The following SLC12A6 variants were observed in gnomAD, a reference collection of about 807,000 sequenced individuals.
The protein encoded by SLC12A6 is K-Cl cotransporter 3.
A neutral mutation model predicts 135.3 loss-of-function variants in SLC12A6; 66 were observed. The ratio of observed to expected loss-of-function variants is 0.49; its 90% confidence interval spans 0.40 to 0.60. The LOEUF (loss-of-function observed/expected upper bound fraction) is 0.60, where lower values mean the gene tolerates loss of function less well. Ranked by LOEUF, SLC12A6 falls within the 20% of genes least tolerant of loss-of-function variation. The probability of loss-of-function intolerance (pLI) is 0.00; values close to 1 mark genes in which losing one functional copy is unlikely to be tolerated. For missense variants in SLC12A6, 1,058 were observed against 1,452.3 expected, an observed-to-expected ratio of 0.73 and a Z score of 4.41; for synonymous variants, 513 against 508.8, an observed-to-expected ratio of 1.01 and a Z score of -0.11.
Position 34,255,295 on chromosome 15 carries a change from G to A in SLC12A6, c.843C>T (p.Ala281=), listed in dbSNP as rs1228079784. 1.2e-6 allele frequency: 2 copies of A among 1,610,150 alleles called. No individual in the cohort carries two copies. Among genetic ancestry groups the A allele is most frequent in the African/African-American group, 2.7e-5 (2 of 74,842 alleles). The change falls in exon 8 of 26, where the codon GCC becomes GCT. Residue 281 remains alanine (A), a synonymous_variant. Transcript: ENST00000354181. The part of the protein sequence containing the change: ...CFYLGTTFAA[A]MYILGAIEIF... Reference sequence around the variant, plus strand: ...TTTCAATGGCACCAAGGATGTACATGGCTGCTGCAAATGTGGTACCAAGAT... The same window carrying A: ...TTTCAATGGCACCAAGGATGTACATAGCTGCTGCAAATGTGGTACCAAGAT...
intron 2 of SLC12A6, among the ~76,000 whole-genome samples, chr15:34,315,995 G>C (rs1397018651): frequency 6.6e-6 from 1 of 151,994 alleles, no homozygotes; most frequent in Non-Finnish European, 1.5e-5. Context: ...TTATTGCAGT[G>C]GTCTGGAACT....
Position 34,337,402 on chromosome 15 carries a change from G to A in SLC12A6, c.-143C>T, listed in dbSNP as rs1342213725. ...GATTCCTGTCTCCGAGAGGTCGGTG[G>A]GGGTGGCGCGCCCGCTCTTCTCCTA... On this transcript the variant is annotated 5_prime_UTR_variant, in exon 1 of 26. Transcript: ENST00000354181. 6.5e-6 allele frequency: 1 copy of A among 153,772 alleles called. No individual in the cohort carries two copies. Among genetic ancestry groups the A allele is most frequent in the Non-Finnish European group, 1.4e-5 (1 of 69,116 alleles). 9.5% of individuals were successfully genotyped at this position (153,772 alleles called of 1,614,324 possible). A position where few individuals can be genotyped will look rare whatever the true frequency, so the allele number is the denominator to read the frequency against.
chr15:34,285,701 TGTGTGTGTGTGTTTG>T (rs1207606795), intron 2 of SLC12A6, among the ~76,000 whole-genome samples: 21 of 782 alleles, frequency 0.027, 1 homozygote, highest in Non-Finnish European at 0.037. Flanking sequence ...TATGTGTGTG[TGTGTGTGTGTGTTTG>T]TCATACATAA....
chr15:34,229,873 TAAAC>T lies in SLC12A6; in HGVS notation c.*4004_*4007del, dbSNP rs771095239. ...GCCCAGTGGCTCCTCAGCATACTCTTAAACTAATCACTTATGTTAAAAAGAACCA... is the reference window on the plus strand; with the variant it reads ...GCCCAGTGGCTCCTCAGCATACTCTTTAATCACTTATGTTAAAAAGAACCA... On this transcript the variant is annotated 3_prime_UTR_variant, in exon 26 of 26. Transcript: ENST00000354181. 1 of 1,242,056 alleles carries T rather than the reference TAAAC, an allele frequency of 8.1e-7. No individual in the cohort carries two copies. The allele number at this position is 1,242,056 out of a possible 1,614,324, so 76.9% of individuals were successfully genotyped here. A position where few individuals can be genotyped will look rare whatever the true frequency, so the allele number is the denominator to read the frequency against.
At position 34,299,160 on chromosome 15, in the gene SLC12A6, GGGGGATGATGGT is replaced by G. The variant is rs373031606; in HGVS notation, c.272-23783_272-23772del. On this transcript the variant is annotated intron_variant, in intron 2 of 25. Coordinates refer to ENST00000354181, the MANE Select transcript of SLC12A6 (RefSeq NM_001365088.1). ...TGTTCCTACTTTGAAATCTCAGGCT[GGGGGATGATGGT>G]GGGGATGATGGTGGTAGCGGAGGCT... is the stretch of plus-strand genomic sequence containing the variant. Among the ~76,000 whole-genome samples the G allele has an allele frequency of 5.9e-3, 900 of 152,256 alleles. 14 individuals are homozygous for G. The highest frequency in any genetic ancestry group is 0.02 in the African/African-American group (847 of 41,522).
intron 2 of SLC12A6, among the ~76,000 whole-genome samples, chr15:34,318,007 C>T (rs1359056284): frequency 6.6e-6 from 1 of 152,110 alleles, no homozygotes; most frequent in East Asian, 1.9e-4. Context: ...ATCTCTTGTA[C>T]TTTTGTTCTG....
rs1269733604 is a variant in SLC12A6, at chr15:34,240,815, A to G, written c.2282T>C (p.Val761Ala). The part of the protein sequence containing the change: ...HTKNWRPQLL[V>A]LLKLDEDLHV... Reference sequence around the variant, plus strand: ...TAAGTCTTCATCTAGTTTCAGTAATACAAGCAACTGAGGCCTGTGAAGAGG... The same window carrying G: ...TAAGTCTTCATCTAGTTTCAGTAATGCAAGCAACTGAGGCCTGTGAAGAGG... The change falls in exon 19 of 26, where the codon GTA becomes GCA. Residue 761 changes from valine to alanine, a missense_variant. This residue lies in a region of SLC12A6 where 170 missense variants were observed against 297.6 expected (regional missense o/e 0.57). Transcript: ENST00000354181. 2 of 1,613,358 alleles carry G rather than the reference A, an allele frequency of 1.2e-6. No homozygotes were observed. The highest frequency in any genetic ancestry group is 1.3e-5 in the African/African-American group (1 of 74,920).
Position 34,238,214 on chromosome 15 carries a change from A to T in SLC12A6, c.2802+18T>A. On this transcript the variant is annotated intron_variant, in intron 21 of 25. Coordinates refer to ENST00000354181, the MANE Select transcript of SLC12A6 (RefSeq NM_001365088.1). ...GAAGGGAGAAAGACTTTTGTAAAAA[A>T]AAAGTTGTATAAAATACCTTGTGCT... 1 of 1,595,424 alleles carries T rather than the reference A, an allele frequency of 6.3e-7. No homozygotes were observed. Among genetic ancestry groups the T allele is most frequent in the Non-Finnish European group, 8.6e-7 (1 of 1,162,854 alleles).
chr15:34,304,905 T>C (rs1896497588), intron 2 of SLC12A6, among the ~76,000 whole-genome samples: 1 of 152,342 alleles, frequency 6.6e-6, no homozygotes, highest in African/African-American at 2.4e-5. Flanking sequence ...TCACTTGTTA[T>C]TTGGCTAAAA....
chr15:34,313,005 C>A (rs147782411), intron 2 of SLC12A6, among the ~76,000 whole-genome samples: 114 of 152,320 alleles, frequency 7.5e-4, no homozygotes, highest in Non-Finnish European at 1.2e-3. Flanking sequence ...CAGCTGCTTC[C>A]TTTTCCCTCT....
intron 3 of SLC12A6, among the ~76,000 whole-genome samples, chr15:34,268,719 C>G (rs1893691325): frequency 6.6e-6 from 1 of 152,056 alleles, no homozygotes; most frequent in South Asian, 2.1e-4. Context: ...AACTAAGAAC[C>G]AAATCCATAT....
At position 34,243,529 on chromosome 15, in the gene SLC12A6, C is replaced by T. The variant is rs776336570; in HGVS notation, c.2042+445G>A. On this transcript the variant is annotated intron_variant, in intron 16 of 25. Transcript: ENST00000354181. ...GAGCTTTACTATGTATCAGGCACTA[C>T]GATAAGCACTTTAGATTTATTAGTC... Among the ~76,000 whole-genome samples, 16 of 152,186 alleles carry T rather than the reference C, an allele frequency of 1.1e-4. No homozygotes were observed. In the South Asian group the frequency reaches 2.9e-3, roughly 28 times the overall value.
intron 2 of SLC12A6, among the ~76,000 whole-genome samples, chr15:34,301,787 C>A (rs995240936): frequency 6.6e-6 from 1 of 152,148 alleles, no homozygotes; most frequent in Non-Finnish European, 1.5e-5. Context: ...GTCAGGAGTT[C>A]GAGACCAGCC....
chr15:34,299,233 C>G (rs1333606094), intron 2 of SLC12A6, among the ~76,000 whole-genome samples: 1 of 152,152 alleles, frequency 6.6e-6, no homozygotes, highest in Admixed American at 6.5e-5. Context: ...TTGTGGTTTA[C>G]TTATTTGGAC....
At chr15:34,279,464 A>C (rs918191791) in intron 2 of SLC12A6, among the ~76,000 whole-genome samples, 2 of 152,188 alleles carry the variant, frequency 1.3e-5, no homozygotes, top group Non-Finnish European at 2.9e-5. Flanking sequence ...ATTTAACTTG[A>C]AGGGCGTTTC....
Position 34,287,024 on chromosome 15 carries a change from G to A in SLC12A6, c.272-11635C>T, listed in dbSNP as rs543904348. 4.6e-5 allele frequency among the ~76,000 whole-genome samples: 7 copies of A among 152,018 alleles called. No individual in the cohort carries two copies. In the South Asian group the frequency reaches 1.3e-3, roughly 27 times the overall value. ...TTTTTTTTAAATACTTTAAGTTCTGGGTTACATGTGCAGAATGTGCAGTTT... is the reference window on the plus strand; with the variant it reads ...TTTTTTTTAAATACTTTAAGTTCTGAGTTACATGTGCAGAATGTGCAGTTT... On this transcript the variant is annotated intron_variant, in intron 2 of 25. Coordinates refer to ENST00000354181, the MANE Select transcript of SLC12A6 (RefSeq NM_001365088.1).
intron 2 of SLC12A6, among the ~76,000 whole-genome samples, chr15:34,329,157 T>G (rs1376933750): frequency 2.0e-5 from 3 of 152,158 alleles, no homozygotes; most frequent in Admixed American, 6.5e-5. Context: ...CAGCTACAGC[T>G]GTGTAGACAG....
chr15:34,307,431 G>A (rs1020555786), intron 2 of SLC12A6, among the ~76,000 whole-genome samples: 1 of 152,112 alleles, frequency 6.6e-6, no homozygotes, highest in Non-Finnish European at 1.5e-5. Context: ...CAGTGTTACT[G>A]CAAGAATATT....
rs188394429 is a variant in SLC12A6, at chr15:34,297,880, A to T, written c.272-22491T>A. Among the ~76,000 whole-genome samples, 7 of 152,336 alleles carry T rather than the reference A, an allele frequency of 4.6e-5. No individual in the cohort carries two copies. The East Asian group carries it at 1.4e-3, about 29-fold the overall frequency. ...GCAGTATTTTAGGCAAGGAAACATG[A>T]GTACAAAAATGCAAAAAGAAATAAA... On this transcript the variant is annotated intron_variant, in intron 2 of 25. Coordinates refer to ENST00000354181, the MANE Select transcript of SLC12A6 (RefSeq NM_001365088.1).
Sources: allele counts gnomAD v4.1 joint callset (sites outside exome capture counted in the v4.1 genomes callset), GRCh38; gene constraint gnomAD v4.1.1; regional missense constraint gnomAD v4.1.1; transcripts MANE v1.5; gene names NCBI Gene and HGNC (gene_info 2026-07-23, HGNC 2026-07-21).